The following FGF18 variants were observed in gnomAD, a reference collection of about 807,000 sequenced individuals.
The protein encoded by FGF18 is fibroblast growth factor 18.
In FGF18, 5 loss-of-function variants were observed where a neutral mutation model predicts 23.0. That is an observed-to-expected ratio of 0.22 (90% CI 0.11 to 0.46). The LOEUF (loss-of-function observed/expected upper bound fraction) is 0.46, where lower values mean the gene tolerates loss of function less well. FGF18 is among the 20% of genes least tolerant of loss of function. The pLI is 0.99. For synonymous variants in FGF18, 117 were observed against 118.9 expected (o/e 0.98, Z 0.10); for missense variants, 180 against 291.6 (o/e 0.62, Z 2.79).
rs1215800184 is a variant in FGF18, at chr5:171,440,779, C to T, written c.250+4506C>T. 2.0e-5 allele frequency among the ~76,000 whole-genome samples: 3 copies of T among 152,162 alleles called. No individual in the cohort carries two copies. Among genetic ancestry groups the T allele is most frequent in the South Asian group, 2.1e-4 (1 of 4,832 alleles). ...ATTCCAGCTTTACAGGGAGTCAGCA[C>T]GCCCCAGTGCAGATGCTTCTCTGAG... On this transcript the variant is annotated intron_variant, in intron 3 of 4. Coordinates refer to ENST00000274625, the MANE Select transcript of FGF18 (RefSeq NM_003862.3). This position sits in a 1 kb window ranked among gnomAD's most constrained non-coding sequence, Gnocchi z 4.0.
chr5:171,452,068 A>G (rs981984815), intron 4 of FGF18, among the ~76,000 whole-genome samples: 20 of 152,236 alleles, frequency 1.3e-4, no homozygotes, highest in African/African-American at 4.8e-4. Flanking sequence ...CACCAAAGAA[A>G]TAGAAACATG....
chr5:171,449,125 G>C lies in FGF18; in HGVS notation c.251-22G>C. ...TGCCCCTGGTAATAAAATGTGTCTT[G>C]TTCTCCTTCTGCCTTTCGAAGCCCA... On this transcript the variant is annotated intron_variant, in intron 3 of 4. Transcript: ENST00000274625. The C allele has an allele frequency of 1.9e-6, 3 of 1,563,410 alleles. No individual in the cohort carries two copies. The South Asian group carries it at 3.3e-5, about 17-fold the overall frequency.
intron 2 of FGF18, among the ~76,000 whole-genome samples, chr5:171,423,769 G>A (rs1772054685): frequency 6.8e-6 from 1 of 148,012 alleles, no homozygotes; most frequent in African/African-American, 2.5e-5. Flanking sequence ...GTTAGTGGAT[G>A]GCACTTTTTT....
Position 171,436,063 on chromosome 5 carries a change from G to T in FGF18, c.70-30G>T, listed in dbSNP as rs774315273. ...ATGCAGTGGGCCTGGGACATCTGGG[G>T]TGGCTTACTGTGTCCTTTTCCCTGC... On this transcript the variant is annotated intron_variant, in intron 2 of 4. Transcript: ENST00000274625. The surrounding 1 kb of genome is among the most constrained non-coding windows in gnomAD (Gnocchi z 4.4). The T allele has an allele frequency of 6.8e-7, 1 of 1,468,090 alleles. No homozygotes were observed. The highest frequency in any genetic ancestry group is 2.4e-5 in the Admixed American group (1 of 42,312). The allele number at this position is 1,468,090 out of a possible 1,614,324, so 90.9% of individuals were successfully genotyped here.
Position 171,427,874 on chromosome 5 carries a change from C to T in FGF18, c.69+7431C>T, listed in dbSNP as rs113145747. ...ACTGTCTTTGATCCAGGGCGCTCTG[C>T]GGGGCTCACAGGGATGGGTGGGTTC... On this transcript the variant is annotated intron_variant, in intron 2 of 4. Transcript: ENST00000274625. 3.5e-4 allele frequency among the ~76,000 whole-genome samples: 54 copies of T among 152,244 alleles called. 1 individual carries two copies. Among genetic ancestry groups the T allele is most frequent in the Middle Eastern group, 3.4e-3 (1 of 294 alleles).
intron 2 of FGF18, among the ~76,000 whole-genome samples, chr5:171,429,087 G>A (rs1317996214): frequency 6.6e-6 from 1 of 152,170 alleles, no homozygotes; most frequent in Non-Finnish European, 1.5e-5. Context: ...GTTGGTGTGC[G>A]GAGTGTCACA....
Position 171,420,085 on chromosome 5 carries a change from G to GAGC in FGF18, c.-105_-103dup, listed in dbSNP as rs1035393709. ...GCAGCAGCAGCAGCCGGCGAGGAGG[G>GAGC]AGCAGCAGCAGCGGCGGCGGCGGCG... On this transcript the variant is annotated 5_prime_UTR_variant, in exon 1 of 5. Transcript: ENST00000274625. 7.4e-5 allele frequency: 63 copies of GAGC among 846,886 alleles called. No individual in the cohort carries two copies. The highest frequency in any genetic ancestry group is 4.0e-4 in the Middle Eastern group (1 of 2,520). The allele number at this position is 846,886 out of a possible 1,614,324, so 52.5% of individuals were successfully genotyped here.
chr5:171,434,898 T>C lies in FGF18; in HGVS notation c.70-1195T>C, dbSNP rs1772225016. ...TGCTGGAAAGAAGCGCAAAGCATGG[T>C]TGAGGGGAGGGAGAGTGTCAGAGCT... On this transcript the variant is annotated intron_variant, in intron 2 of 4. Transcript: ENST00000274625. This position sits in a 1 kb window ranked among gnomAD's most constrained non-coding sequence, Gnocchi z 4.6. Among the ~76,000 whole-genome samples, 1 of 147,782 alleles carries C rather than the reference T, an allele frequency of 6.8e-6. No individual in the cohort carries two copies. Among genetic ancestry groups the C allele is most frequent in the Non-Finnish European group, 1.5e-5 (1 of 67,110 alleles).
At chr5:171,425,992 G>A (rs140806327) in intron 2 of FGF18, among the ~76,000 whole-genome samples, 6 of 152,278 alleles carry the variant, frequency 3.9e-5, no homozygotes, top group East Asian at 1.9e-4. Flanking sequence ...GTGTCTGTCC[G>A]GCTCTAGGAC....
At chr5:171,455,068 T>C (rs1439142823) in intron 4 of FGF18, among the ~76,000 whole-genome samples, 1 of 152,230 alleles carries the variant, frequency 6.6e-6, no homozygotes, top group Non-Finnish European at 1.5e-5. Context: ...GCAGGAGTCA[T>C]TGTTCCCATT....
Position 171,456,400 on chromosome 5 carries a change from T to C in FGF18, c.358-139T>C, listed in dbSNP as rs1213857486. The C allele has an allele frequency of 3.8e-6, 3 of 789,408 alleles. No homozygotes were observed. Among genetic ancestry groups the C allele is most frequent in the Non-Finnish European group, 4.0e-6 (2 of 500,904 alleles). The allele number at this position is 789,408 out of a possible 1,614,324, so 48.9% of individuals were successfully genotyped here. A position where few individuals can be genotyped will look rare whatever the true frequency, so the allele number is the denominator to read the frequency against. On this transcript the variant is annotated intron_variant, in intron 4 of 4. Coordinates refer to ENST00000274625, the MANE Select transcript of FGF18 (RefSeq NM_003862.3). The surrounding 1 kb of genome is among the most constrained non-coding windows in gnomAD (Gnocchi z 6.1). Reference sequence around the variant, plus strand: ...GCCATATTCAGAGTTAAGCTCAATCTCTCTCCCCCACTGCAAAACTTCATT... The same window carrying C: ...GCCATATTCAGAGTTAAGCTCAATCCCTCTCCCCCACTGCAAAACTTCATT...
chr5:171,442,181 T>C (rs552025134), intron 3 of FGF18, among the ~76,000 whole-genome samples: 2 of 152,320 alleles, frequency 1.3e-5, no homozygotes, highest in Admixed American at 6.5e-5. Context: ...ATGAACCCTA[T>C]TGGTTTTTCC....
In FGF18 at chr5:171,440,380, C is replaced by T. The variant is rs564583060; in HGVS notation, c.250+4107C>T. 7.7e-4 allele frequency among the ~76,000 whole-genome samples: 117 copies of T among 152,226 alleles called. No individual in the cohort carries two copies. Among genetic ancestry groups the T allele is most frequent in the African/African-American group, 2.7e-3 (112 of 41,538 alleles). On this transcript the variant is annotated intron_variant, in intron 3 of 4. Transcript: ENST00000274625. The surrounding 1 kb of genome is among the most constrained non-coding windows in gnomAD (Gnocchi z 4.0). ...GATGCAGGTAGAAGAGTCGTCCTCC[C>T]GTGATTCCCAGCAGCAAGGTCTCTG... is the stretch of plus-strand genomic sequence containing the variant.
intron 2 of FGF18, among the ~76,000 whole-genome samples, chr5:171,426,251 C>A (rs554939343): frequency 3.7e-4 from 56 of 152,282 alleles, no homozygotes; most frequent in Admixed American, 7.8e-4. Context: ...GCCCCCTGCC[C>A]GCCCCCATCA....
At chr5:171,439,848 A>G (rs1447338941) in intron 3 of FGF18, among the ~76,000 whole-genome samples, 1 of 152,102 alleles carries the variant, frequency 6.6e-6, no homozygotes, top group Non-Finnish European at 1.5e-5. Flanking sequence ...ATGATTGGAT[A>G]TTCCTGCCTG....
At chr5:171,432,146 G>A (rs537684576) in intron 2 of FGF18, among the ~76,000 whole-genome samples, 2 of 152,282 alleles carry the variant, frequency 1.3e-5, no homozygotes, top group East Asian at 3.9e-4. Flanking sequence ...TAGCCAGGCC[G>A]ACAGCAAAAT....
At chr5:171,455,105 A>C (rs1192992958) in intron 4 of FGF18, among the ~76,000 whole-genome samples, 1 of 152,232 alleles carries the variant, frequency 6.6e-6, no homozygotes, top group Non-Finnish European at 1.5e-5. Flanking sequence ...TGAGGTTTAC[A>C]GAGTGGGACT....
intron 4 of FGF18, among the ~76,000 whole-genome samples, chr5:171,453,415 C>T (rs1036313751): frequency 9.2e-5 from 14 of 152,200 alleles, no homozygotes; most frequent in Non-Finnish European, 1.9e-4. Context: ...CTGGGTAGCT[C>T]CTTGTACATC....
chr5:171,452,272 G>C (rs535631427), intron 4 of FGF18, among the ~76,000 whole-genome samples: 1 of 152,170 alleles, frequency 6.6e-6, no homozygotes, highest in African/African-American at 2.4e-5. Flanking sequence ...GCCAGGTCAC[G>C]AGGTCACTTC....
Sources: gnomAD v4.1 joint callset for allele counts (sites outside exome capture counted in the v4.1 genomes callset) on GRCh38, gnomAD v4.1.1 for gene constraint, Gnocchi (gnomAD v3.1) non-coding constraint, MANE v1.5 for transcripts, NCBI Gene and HGNC (gene_info 2026-07-23, HGNC 2026-07-21) for gene names.